Variants in ACOT11 observed in about 807,000 individuals in gnomAD.
ACOT11 encodes the protein acyl-CoA thioesterase 11, also known as acyl-coenzyme A thioesterase 11.
ACOT11 carries 69 observed loss-of-function variants against 77.5 expected under a neutral mutation model. That is an observed-to-expected ratio of 0.89 (90% CI 0.73 to 1.09). ACOT11 has a LOEUF of 1.09. Ranked by LOEUF, ACOT11 falls within the 50% of genes least tolerant of loss-of-function variation. ACOT11 has a pLI of 0.00. For missense variants in ACOT11, 766 were observed against 813.7 expected, an observed-to-expected ratio of 0.94 and a Z score of 0.71; for synonymous variants, 279 against 313.0, an observed-to-expected ratio of 0.89 and a Z score of 1.15.
chr1:54,618,394 C>T (rs998030990), intron 15 of ACOT11, among the ~76,000 whole-genome samples: 1 of 152,080 alleles, frequency 6.6e-6, no homozygotes, highest in Non-Finnish European at 1.5e-5. Flanking sequence ...ATCCCAGCTA[C>T]TCGGGAGGCT....
At chr1:54,604,591 C>T (rs1292554208) in intron 12 of ACOT11, among the ~76,000 whole-genome samples, 162 bp downstream of exon 12, 1 of 152,204 alleles carries the variant, frequency 6.6e-6, no homozygotes, top group Non-Finnish European at 1.5e-5. Flanking sequence ...GTACCCACCC[C>T]TGCAGGGCCT....
chr1:54,571,071 C>CTCTCTCTCTT (rs779276330), intron 1 of ACOT11, among the ~76,000 whole-genome samples: 53 of 141,844 alleles, frequency 3.7e-4, no homozygotes, highest in African/African-American at 1.3e-3. Flanking sequence ...TTCTCTCTCT[C>CTCTCTCTCTT]TTTTTTTTTT....
intron 1 of ACOT11, among the ~76,000 whole-genome samples, chr1:54,570,716 G>A (rs980885244): frequency 8.1e-5 from 12 of 148,178 alleles, no homozygotes; most frequent in African/African-American, 2.8e-4. Context: ...TCGCCCTGTT[G>A]CCCAGGTTGG....
At chr1:54,610,758 G>C (rs1644109237), downstream of ACOT11, 1 of 983,838 alleles carries the variant, frequency 1.0e-6, no homozygotes, top group Non-Finnish European at 1.2e-6. Flanking sequence ...AAAGTTGCCA[G>C]GAGTGGAACC....
At chr1:54,633,704 T>C (rs1644314267) in intron 16 of ACOT11, among the ~76,000 whole-genome samples, 1 of 152,228 alleles carries the variant, frequency 6.6e-6, no homozygotes, top group African/African-American at 2.4e-5. Context: ...ACTAAAAACA[T>C]TAAATGATTT....
At chr1:54,573,934 C>A (rs1439244219) in intron 1 of ACOT11, among the ~76,000 whole-genome samples, 1 of 151,164 alleles carries the variant, frequency 6.6e-6, no homozygotes, top group Admixed American at 6.6e-5. Flanking sequence ...GAGGCTGTGG[C>A]AGGAGAATCG....
intron 9 of ACOT11, among the ~76,000 whole-genome samples, chr1:54,601,998 G>T (rs1643970168): frequency 6.6e-6 from 1 of 152,264 alleles, no homozygotes; most frequent in Non-Finnish European, 1.5e-5. Context: ...CCTCCCTTGG[G>T]GGAGGTCCCC....
In ACOT11 at chr1:54,608,113, C is replaced by G. The variant is rs778816721; in HGVS notation, c.1629+45C>G. The stretch of plus-strand genomic sequence containing the variant: ...CCACGCCCCCAGCCTGGCTCCACCC[C>G]AACACCACACGTGTATTGAGCTCAG... On this transcript the variant is annotated intron_variant, in intron 15 of 15. Transcript: ENST00000343744. 3 of 1,583,616 alleles carry G rather than the reference C, an allele frequency of 1.9e-6. No homozygotes were observed. The Admixed American group carries it at 5.2e-5, about 27-fold the overall frequency.
rs764562527 is a variant in ACOT11 at position 54,608,993 on chromosome 1, A to C, written c.1666A>C (p.Asn556His). ...CAACCAGGCCACCCCAGGTGTTCTC[A>C]ACTATGTGACCACCAACGTGGCCGG... Reference protein sequence around the residue: ...YYNQATPGVLNYVTTNVAGLS... With the variant: ...YYNQATPGVLHYVTTNVAGLS... The change falls in exon 16 of 16, where the codon AAC (asparagine) becomes CAC (histidine). Residue 556 changes from asparagine to histidine, a missense_variant. Asn to His is a moderately conservative substitution (Grantham distance 68). Coordinates refer to ENST00000343744, the MANE Select transcript of ACOT11 (RefSeq NM_147161.4). The C allele has an allele frequency of 3.7e-6, 6 of 1,613,708 alleles. No homozygotes were observed. The East Asian group carries it at 6.7e-5, about 18-fold the overall frequency.
At position 54,609,932 on chromosome 1, in the gene ACOT11, C is replaced by G. The variant is rs776323262; in HGVS notation, c.*820C>G. ...GAGGCCAGTGTTCAGCAGGATCATG[C>G]CTTCTGTGTCTGGAAGAGGCGGCAG... On this transcript the variant is annotated 3_prime_UTR_variant, in exon 16 of 16. Transcript: ENST00000343744. 11 of 1,603,968 alleles carry G rather than the reference C, an allele frequency of 6.9e-6. No homozygotes were observed. In the Admixed American group the frequency reaches 8.3e-5, roughly 12 times the overall value.
intron 3 of ACOT11, among the ~76,000 whole-genome samples, chr1:54,589,581 C>G (rs950016456): frequency 6.6e-6 from 1 of 152,128 alleles, no homozygotes; most frequent in African/African-American, 2.4e-5. Flanking sequence ...AGCGATCCTT[C>G]CACCTTAGCC....
intron 1 of ACOT11, among the ~76,000 whole-genome samples, chr1:54,566,789 C>A (rs1266567330): frequency 6.6e-6 from 1 of 152,100 alleles, no homozygotes. Flanking sequence ...TTTGGAGCAC[C>A]CACGTGTGGC....
chr1:54,629,666 C>G (rs901167582), intron 15 of ACOT11, among the ~76,000 whole-genome samples: 4 of 132,106 alleles, frequency 3.0e-5, no homozygotes, highest in African/African-American at 1.0e-4. Flanking sequence ...CTCATTGCAG[C>G]CTTGACCTCC....
At chr1:54,571,106 T>G (rs1490061467) in intron 1 of ACOT11, among the ~76,000 whole-genome samples, 1 of 149,816 alleles carries the variant, frequency 6.7e-6, no homozygotes, top group African/African-American at 2.5e-5. Context: ...AGGGTCTCAC[T>G]CTGTCACCCA....
chr1:54,617,092 A>G (rs183357331), intron 15 of ACOT11, among the ~76,000 whole-genome samples: 4 of 152,316 alleles, frequency 2.6e-5, no homozygotes, highest in African/African-American at 7.2e-5. Flanking sequence ...TGCCCATCTC[A>G]CCACATCATC....
intron 1 of ACOT11, among the ~76,000 whole-genome samples, chr1:54,581,359 T>C (rs1311101879): frequency 6.6e-6 from 1 of 152,186 alleles, no homozygotes; most frequent in East Asian, 1.9e-4. Context: ...GTGGGTCTGT[T>C]GTCAACTTGC....
At chr1:54,592,506 G>T (rs769075327) in intron 3 of ACOT11, 40 bp from the exon 4 acceptor site, 1 of 1,592,090 alleles carries the variant, frequency 6.3e-7, no homozygotes. Flanking sequence ...CCTCCCTCTG[G>T]CCCCTCTGGA....
In ACOT11 at chr1:54,594,584, C is replaced by T. The variant is rs1391277311; in HGVS notation, c.500C>T (p.Thr167Ile). The T allele has an allele frequency of 6.2e-7, 1 of 1,614,088 alleles. No homozygotes were observed. Among genetic ancestry groups the T allele is most frequent in the South Asian group, 1.1e-5 (1 of 91,052 alleles). Reference sequence around the variant, plus strand: ...AAGCTGAAGCAGATCACGCCGCGGACAGAAGAGGAGAAGATGGAGCACAGT... The same window carrying T: ...AAGCTGAAGCAGATCACGCCGCGGATAGAAGAGGAGAAGATGGAGCACAGT... ...KVKLKQITPR[T>I]EEEKMEHSVA... Residue 167 changes from threonine (T) to isoleucine (I), a missense_variant, in exon 6 of 16, where the codon ACA becomes ATA. Physicochemically the swap from Thr to Ile is moderately conservative, Grantham distance 89. Transcript: ENST00000343744.
chr1:54,580,977 G>A (rs300266), intron 1 of ACOT11, among the ~76,000 whole-genome samples: 60,757 of 152,020 alleles, frequency 0.4, 13,340 homozygotes, highest in Non-Finnish European at 0.51. Flanking sequence ...TGGCTGCTGG[G>A]GTGAGTGGCA....
Sources: allele counts gnomAD v4.1 joint callset (sites outside exome capture counted in the v4.1 genomes callset), GRCh38; gene constraint gnomAD v4.1.1; transcripts MANE v1.5; gene names NCBI Gene and HGNC (gene_info 2026-07-23, HGNC 2026-07-21).